FANCI: variants seen among roughly 807,000 people sequenced by gnomAD.
The protein encoded by FANCI is Fanconi anemia group I protein.
In FANCI, 156 loss-of-function variants were observed where a neutral mutation model predicts 176.1. The observed-to-expected ratio is 0.89, with a 90% CI of 0.78 to 1.01. The LOEUF is 1.01. Ranked by LOEUF, FANCI falls within the 50% of genes least tolerant of loss-of-function variation. The pLI is 0.00. For missense variants in FANCI, 1,678 were observed against 1,534.1 expected (o/e 1.09, Z -1.57); for synonymous variants, 613 against 541.7 (o/e 1.13, Z -1.83).
intron 37 of FANCI, 75 bp downstream of exon 37, chr15:89,315,464 AT>A: frequency 9.9e-7 from 1 of 1,014,212 alleles, no homozygotes; most frequent in Admixed American, 1.7e-5. Flanking sequence ...GCAGTCACAG[AT>A]TAGTGGAAGG....
chr15:89,297,052 C>T (rs1302704186), intron 24 of FANCI, among the ~76,000 whole-genome samples: 13 of 150,792 alleles, frequency 8.6e-5, no homozygotes, highest in East Asian at 4.0e-4. Context: ...GGGTGGCTGC[C>T]GGGTGGAGAC....
Position 89,316,250 on chromosome 15 carries a change from TA to T in FANCI, c.3925-145del. On this transcript the variant is annotated intron_variant, in intron 37 of 37. Coordinates refer to ENST00000310775, the MANE Select transcript of FANCI (RefSeq NM_001113378.2). ...GACTCCTTCCTCTTCTTCAACAACA[TA>T]ATTACCTCCTGTGAGTGGGAAAGTG... The T allele has an allele frequency of 4.9e-6, 4 of 808,552 alleles. No individual in the cohort carries two copies. The South Asian group carries it at 6.2e-5, about 13-fold the overall frequency. The allele number at this position is 808,552 out of a possible 1,614,324, so 50.1% of individuals were successfully genotyped here. A position where few individuals can be genotyped will look rare whatever the true frequency, so the allele number is the denominator to read the frequency against.
Position 89,264,565 on chromosome 15 carries a change from G to A in FANCI, c.713G>A (p.Ser238Asn), listed in dbSNP as rs779604966. 1.1e-5 allele frequency: 17 copies of A among 1,613,774 alleles called. No homozygotes were observed. In the African/African-American group the frequency reaches 2.1e-4, roughly 20 times the overall value. The part of the protein sequence containing the change: ...SVLEGIIAFF[S>N]ALDKQHNEEQ... ...TTGGAAGGAATCATAGCCTTCTTCA[G>A]TGCACTAGATAAGCAGCACAATGAG... Residue 238 changes from serine to asparagine, a missense_variant, in exon 9 of 38, where the codon AGT (serine) becomes AAT (asparagine). This residue lies in a region of FANCI where 469 missense variants were observed against 436.9 expected (regional missense o/e 1.07). Coordinates refer to ENST00000310775, the MANE Select transcript of FANCI (RefSeq NM_001113378.2).
At chr15:89,299,743 G>A (rs2054457508) in intron 24 of FANCI, 57 bp from the exon 25 acceptor site, 8 of 1,570,834 alleles carry the variant, frequency 5.1e-6, no homozygotes, top group Admixed American at 5.0e-5. Flanking sequence ...TTTACTGTTT[G>A]TTATTTTATC....
At chr15:89,307,769 T>G (rs1567175776) in intron 34 of FANCI, 97 bp downstream of exon 34, 1 of 1,600,408 alleles carries the variant, frequency 6.2e-7, no homozygotes, top group East Asian at 2.2e-5. Context: ...ATATATAAAC[T>G]TTTTTCCCTG....
chr15:89,307,405 T>A, intron 32 of FANCI, 71 bp from the exon 33 acceptor site: 1 of 1,437,356 alleles, frequency 7.0e-7, no homozygotes, highest in East Asian at 2.4e-5. Context: ...TCACACTCCA[T>A]AGGCTCACTG....
In FANCI at chr15:89,247,620, C is replaced by G. The variant is rs765517197; in HGVS notation, c.-19-9C>G. On this transcript the variant is annotated splice_polypyrimidine_tract_variant and intron_variant, in intron 1 of 37. Coordinates refer to ENST00000310775, the MANE Select transcript of FANCI (RefSeq NM_001113378.2). ...ATCTTCACCCACCTCTGACGTTTTTCCCTTGTAGTTCTGTGATATGAGCAA... is the reference window on the plus strand; with the variant it reads ...ATCTTCACCCACCTCTGACGTTTTTGCCTTGTAGTTCTGTGATATGAGCAA... 15 of 1,597,880 alleles carry G rather than the reference C, an allele frequency of 9.4e-6. No homozygotes were observed. Among genetic ancestry groups the G allele is most frequent in the Non-Finnish European group, 1.2e-5 (14 of 1,165,446 alleles).
At chr15:89,312,006 C>T (rs962277586) in intron 34 of FANCI, among the ~76,000 whole-genome samples, 5 of 152,202 alleles carry the variant, frequency 3.3e-5, no homozygotes, top group African/African-American at 1.2e-4. Context: ...TCTCCAGGAG[C>T]TCTTTATTAC....
At chr15:89,260,553 A>G (rs1003410405) in intron 3 of FANCI, among the ~76,000 whole-genome samples, 160 bp from the exon 4 acceptor site, 4 of 152,236 alleles carry the variant, frequency 2.6e-5, no homozygotes, top group African/African-American at 9.6e-5. Context: ...TAAATTAAGC[A>G]CTTTTTCAAA....
chr15:89,294,965 A>T lies in FANCI; in HGVS notation c.2507A>T (p.Asn836Ile). 6.4e-7 allele frequency: 1 copy of T among 1,552,350 alleles called. No individual in the cohort carries two copies. Reference protein sequence around the residue: ...QESLSVLRSSNEFMRYAVNVA... With the variant: ...QESLSVLRSSIEFMRYAVNVA... ...AGCCTTTCTGTTCTCAGGTCCAGCAATGAGTTTATGCGCTATGCAGTGAAT... is the reference window on the plus strand; with the variant it reads ...AGCCTTTCTGTTCTCAGGTCCAGCATTGAGTTTATGCGCTATGCAGTGAAT... The change falls in exon 24 of 38, where the codon AAT becomes ATT. Residue 836 changes from asparagine to isoleucine, a missense_variant. Asn to Ile is a moderately radical substitution (Grantham distance 149). Transcript: ENST00000310775.
chr15:89,273,472 AT>A lies in FANCI; in HGVS notation c.975+10del, dbSNP rs751890595. On this transcript the variant is annotated splice_donor_region_variant and intron_variant, in intron 11 of 37. Transcript: ENST00000310775. ...GAATACAAAGATTTCAGGACCAGGT[AT>A]TTTTTTAAAATGCCATTTTGTTTCT... is the stretch of plus-strand genomic sequence containing the variant. 8 of 1,411,648 alleles carry A rather than the reference AT, an allele frequency of 5.7e-6. No homozygotes were observed. The highest frequency in any genetic ancestry group is 1.2e-5 in the South Asian group (1 of 84,854). The allele number at this position is 1,411,648 out of a possible 1,614,324, so 87.4% of individuals were successfully genotyped here.
intron 12 of FANCI, among the ~76,000 whole-genome samples, chr15:89,275,732 C>G (rs1207730039): frequency 6.6e-6 from 1 of 152,182 alleles, no homozygotes; most frequent in African/African-American, 2.4e-5. Flanking sequence ...ACTCACTAAC[C>G]AGGAAATTCC....
At chr15:89,259,128 G>A in intron 3 of FANCI, 1 of 296,750 alleles carries the variant, frequency 3.4e-6, no homozygotes, top group South Asian at 3.4e-5. Context: ...AACCTCTGGG[G>A]TTTAATGAAA....
chr15:89,308,397 C>G (rs554094717), intron 34 of FANCI, among the ~76,000 whole-genome samples: 1 of 152,304 alleles, frequency 6.6e-6, no homozygotes. Context: ...CTACTGTCTC[C>G]TAAGGCCACT....
intron 30 of FANCI, 65 bp from the exon 31 acceptor site, chr15:89,305,540 C>T: frequency 6.2e-7 from 1 of 1,601,912 alleles, no homozygotes; most frequent in Non-Finnish European, 8.5e-7. Context: ...GCCAGGTGAC[C>T]ACAGTTATTA....
rs2054777001 is a variant in FANCI, at chr15:89,307,641, C to T, written c.3620C>T (p.Pro1207Leu). 6.2e-7 allele frequency: 1 copy of T among 1,614,122 alleles called. No individual in the cohort carries two copies. The highest frequency in any genetic ancestry group is 8.5e-7 in the Non-Finnish European group (1 of 1,180,024). ...AAGCTGTCTGGTTCTCATCTGACCCCCCTGTGTTATTCTTTCATTTCTTAC... is the reference window on the plus strand; with the variant it reads ...AAGCTGTCTGGTTCTCATCTGACCCTCCTGTGTTATTCTTTCATTTCTTAC... ...LVKLSGSHLT[P>L]LCYSFISYVQ... Residue 1207 changes from proline to leucine, a missense_variant, in exon 34 of 38, where the codon CCC becomes CTC. By Grantham distance (98) the Pro-to-Leu change is moderately conservative. Transcript: ENST00000310775.
intron 2 of FANCI, 140 bp from the exon 3 acceptor site, chr15:89,258,564 C>G (rs199843957): frequency 1.3e-6 from 1 of 746,420 alleles, no homozygotes; most frequent in Non-Finnish European, 2.4e-6. Flanking sequence ...CCTCCTCTGT[C>G]TAAAAATTAT....
At position 89,261,892 on chromosome 15, in the gene FANCI, A is replaced by C; in HGVS notation, c.503+14A>C. The C allele has an allele frequency of 6.2e-7, 1 of 1,613,172 alleles. No individual in the cohort carries two copies. Among genetic ancestry groups the C allele is most frequent in the Non-Finnish European group, 8.5e-7 (1 of 1,179,200 alleles). On this transcript the variant is annotated intron_variant, in intron 6 of 37. Coordinates refer to ENST00000310775, the MANE Select transcript of FANCI (RefSeq NM_001113378.2). Reference sequence around the variant, plus strand: ...GTGTTCTGGCAGGTGAGTCTTGTTAATATGTATAACTTTCTTAGGAATACA... The same window carrying C: ...GTGTTCTGGCAGGTGAGTCTTGTTACTATGTATAACTTTCTTAGGAATACA...
chr15:89,292,641 A>G, intron 20 of FANCI, 47 bp from the exon 21 acceptor site: 2 of 1,560,436 alleles, frequency 1.3e-6, no homozygotes, highest in Non-Finnish European at 1.8e-6. Flanking sequence ...TTTATAAGTT[A>G]TCCATCAACA....
Sources: allele counts gnomAD v4.1 joint callset (sites outside exome capture counted in the v4.1 genomes callset), GRCh38; gene constraint gnomAD v4.1.1; regional missense constraint gnomAD v4.1.1; transcripts MANE v1.5; gene names NCBI Gene and HGNC (gene_info 2026-07-23, HGNC 2026-07-21).